The following FOXP3 variants were observed in gnomAD, a reference collection of about 807,000 sequenced individuals.
FOXP3 encodes forkhead box protein P3.
In FOXP3, 5 loss-of-function variants were observed where a neutral mutation model predicts 31.2. The observed-to-expected ratio is 0.16, with a 90% CI of 0.08 to 0.34. FOXP3 has a LOEUF of 0.34. Among genes scored for constraint, FOXP3 ranks in the 10% least tolerant of loss-of-function variants. FOXP3 has a pLI of 1.00. For synonymous variants in FOXP3, 141 were observed against 148.8 expected (o/e 0.95, Z 0.38); for missense variants, 251 against 363.0 (o/e 0.69, Z 2.51).
chrX:49,261,091 A>C (rs899615081), intron 1 of FOXP3, among the ~76,000 whole-genome samples: 1 of 112,648 alleles, frequency 8.9e-6, no homozygotes, highest in African/African-American at 3.2e-5. Context: ...GGGTCTTCAA[A>C]TAGTATAACA....
At position 49,253,215 on chromosome X, in the gene FOXP3, G is replaced by C; in HGVS notation, c.968-13C>G. On this transcript the variant is annotated splice_polypyrimidine_tract_variant and intron_variant, in intron 9 of 11. Transcript: ENST00000376207. ...TTGTGGAGGAACTCTGTCAGAGGGT[G>C]GGGATGAATCAAGCCCCATGCAGGA... 1 of 1,199,081 alleles carries C rather than the reference G, an allele frequency of 8.3e-7. No homozygotes were observed. The highest frequency in any genetic ancestry group is 1.1e-6 in the Non-Finnish European group (1 of 885,874).
At chrX:49,257,284 G>T in intron 4 of FOXP3, 143 bp downstream of exon 4, 1 of 819,918 alleles carries the variant, frequency 1.2e-6, no homozygotes. Context: ...ACGTTTTTTG[G>T]AGGGTGGAGT....
intron 7 of FOXP3, 85 bp downstream of exon 7, chrX:49,255,630 C>T (rs1276653039): frequency 9.0e-7 from 1 of 1,116,174 alleles, no homozygotes; most frequent in African/African-American, 1.8e-5. Flanking sequence ...GCCCTCGTCC[C>T]AGGTGAACTT....
chrX:49,259,367 G>A lies in FOXP3; in HGVS notation c.-22-840C>T, dbSNP rs967861959. 84 of 497,056 alleles carry A rather than the reference G, an allele frequency of 1.7e-4. No homozygotes were observed. The African/African-American group carries it at 1.8e-3, about 10-fold the overall frequency. 41.0% of individuals were successfully genotyped at this position (497,056 alleles called of 1,213,427 possible). A position where few individuals can be genotyped will look rare whatever the true frequency, so the allele number is the denominator to read the frequency against. On this transcript the variant is annotated intron_variant, in intron 1 of 11. Transcript: ENST00000376207. ...GGGGTCTGGATCTCAGGGCAAGGAG[G>A]CGAGTCCAGGAGTGTGATCATGCAC...
rs56355628 is a variant in FOXP3, at chrX:49,251,110, G to T, written c.*224C>A. 4 of 437,845 alleles carry T rather than the reference G, an allele frequency of 9.1e-6. No individual in the cohort carries two copies. Among genetic ancestry groups the T allele is most frequent in the East Asian group, 7.6e-5 (2 of 26,294 alleles). 36.1% of individuals were successfully genotyped at this position (437,845 alleles called of 1,213,427 possible). On this transcript the variant is annotated 3_prime_UTR_variant, in exon 12 of 12. Coordinates refer to ENST00000376207, the MANE Select transcript of FOXP3 (RefSeq NM_014009.4). ...TGTGTCTGGGGCGGAGGTGGGGGCT[G>T]GGGCCAGGACCGGGGCCCCTCTGAG...
chrX:49,262,848 TG>T (rs2066118234), intron 1 of FOXP3, among the ~76,000 whole-genome samples: 1 of 110,772 alleles, frequency 9.0e-6, no homozygotes, highest in African/African-American at 3.3e-5. Context: ...ATGGAAAAAA[TG>T]AAGCCATAAA....
intron 1 of FOXP3, among the ~76,000 whole-genome samples, chrX:49,259,523 C>T (rs781803558): frequency 1.6e-3 from 180 of 110,505 alleles, no homozygotes; most frequent in Non-Finnish European, 2.2e-3. Flanking sequence ...GCTCATGCTA[C>T]ACCCCCTGCC....
Position 49,261,655 on chromosome X carries a change from C to T in FOXP3, c.-23+3006G>A, listed in dbSNP as rs1193037187. On this transcript the variant is annotated intron_variant, in intron 1 of 11. Transcript: ENST00000376207. ...CTAGCCCAGCTCTTGTGAGGCTGGG[C>T]CCCACACTGTGATCGTGGATCGTCC... 8.0e-5 allele frequency among the ~76,000 whole-genome samples: 9 copies of T among 112,315 alleles called. No homozygotes were observed. The Admixed American group carries it at 8.4e-4, about 10-fold the overall frequency.
rs781892250 is a variant in FOXP3 at position 49,257,411 on chromosome X, C to T, written c.454+16G>A. On this transcript the variant is annotated intron_variant, in intron 4 of 11. Coordinates refer to ENST00000376207, the MANE Select transcript of FOXP3 (RefSeq NM_014009.4). ...GGGGGTTCTGTGAAGCCATGGGGTA[C>T]GGGCTGAGGTGTTACCAGGTGGGAG... The T allele has an allele frequency of 1.5e-5, 17 of 1,131,521 alleles. No homozygotes were observed. Among genetic ancestry groups the T allele is most frequent in the Middle Eastern group, 3.3e-4 (1 of 3,076 alleles). 93.3% of individuals were successfully genotyped at this position (1,131,521 alleles called of 1,213,427 possible).
rs143869281 is a variant in FOXP3, at chrX:49,253,921, G to T, written c.963C>A (p.Phe321Leu). 8.3e-7 allele frequency: 1 copy of T among 1,209,239 alleles called. No individual in the cohort carries two copies. The highest frequency in any genetic ancestry group is 1.1e-6 in the Non-Finnish European group (1 of 895,008). ...TAGTGCAAGGACCATTCTTACCTGG[G>T]AATGTGCTGTTTCCATGGCTACCCC... is the stretch of plus-strand genomic sequence containing the variant. ...HLWGSHGNSTFPEFLHNMDYF... is the reference protein window; with the variant it reads ...HLWGSHGNSTLPEFLHNMDYF... Residue 321 changes from phenylalanine to leucine, a missense_variant, in exon 9 of 12, where the codon TTC becomes TTA. This residue lies in a region of FOXP3 where 57 missense variants were observed against 60.9 expected (regional missense o/e 0.94). Coordinates refer to ENST00000376207, the MANE Select transcript of FOXP3 (RefSeq NM_014009.4).
At chrX:49,261,886 T>C (rs2066112480) in intron 1 of FOXP3, among the ~76,000 whole-genome samples, 1 of 112,060 alleles carries the variant, frequency 8.9e-6, no homozygotes. Flanking sequence ...CTGAGATCTC[T>C]GGTCTTCAAT....
chrX:49,253,248 G>C (rs1557115813), intron 9 of FOXP3, 46 bp from the exon 10 acceptor site: 1 of 1,078,375 alleles, frequency 9.3e-7, no homozygotes, highest in African/African-American at 1.8e-5. Context: ...GGACCTCCTA[G>C]CTAGCTCCCT....
At chrX:49,256,220 A>AGAG in intron 6 of FOXP3, among the ~76,000 whole-genome samples, 1 of 67,027 alleles carries the variant, frequency 1.5e-5, no homozygotes, top group Admixed American at 1.8e-4. Flanking sequence ...GAGAGAGAGA[A>AGAG]AGAGAGAGAG....
intron 8 of FOXP3, among the ~76,000 whole-genome samples, chrX:49,254,387 C>G (rs2066054639): frequency 1.8e-5 from 2 of 112,251 alleles, no homozygotes; most frequent in South Asian, 7.4e-4. Flanking sequence ...CCGCTTCAGC[C>G]TCCCAAAGTG....
At chrX:49,264,565 T>C in intron 1 of FOXP3, 96 bp downstream of exon 1, 6 of 448,487 alleles carry the variant, frequency 1.3e-5, no homozygotes, top group Non-Finnish European at 1.4e-5. Flanking sequence ...TACATCCCAC[T>C]GTACCAGAGG....
intron 1 of FOXP3, among the ~76,000 whole-genome samples, chrX:49,260,880 C>T (rs1044324096): frequency 2.7e-5 from 3 of 112,577 alleles, no homozygotes; most frequent in Admixed American, 9.3e-5. Context: ...GGTTTCGTTC[C>T]GAGAACTGGC....
rs781803685 is a variant in FOXP3 at position 49,256,919 on chromosome X, A to G, written c.542+6T>C. On this transcript the variant is annotated splice_donor_region_variant and intron_variant, in intron 5 of 11. Coordinates refer to ENST00000376207, the MANE Select transcript of FOXP3 (RefSeq NM_014009.4). ...GCGAGGATCCTTCCCAGCCCTGTCC[A>G]CTGACCTGTCCTTCCTGGGTGCACT... The G allele has an allele frequency of 8.3e-7, 1 of 1,211,027 alleles. No homozygotes were observed. The highest frequency in any genetic ancestry group is 2.2e-5 in the Admixed American group (1 of 46,132).
At chrX:49,258,577 A>G in intron 1 of FOXP3, 50 bp from the exon 2 acceptor site, 1 of 1,000,081 alleles carries the variant, frequency 1.0e-6, no homozygotes, top group Non-Finnish European at 1.3e-6. Flanking sequence ...GGGCGGTATG[A>G]GATACTCGAC....
rs782730117 is a variant in FOXP3 at position 49,258,497 on chromosome X, G to A, written c.9C>T (p.Asn3=). The change falls in exon 2 of 12, where the codon AAC becomes AAT. Residue 3 remains asparagine (N), a synonymous_variant. Transcript: ENST00000376207. MP[N]PRPGKPSAPS... Reference sequence around the variant, plus strand: ...GGGCCGAGGGCTTGCCAGGCCTGGGGTTGGGCATCGGGTCCTTGTCCAAGG... The same window carrying A: ...GGGCCGAGGGCTTGCCAGGCCTGGGATTGGGCATCGGGTCCTTGTCCAAGG... The A allele has an allele frequency of 8.5e-7, 1 of 1,171,555 alleles. No homozygotes were observed. The highest frequency in any genetic ancestry group is 1.1e-6 in the Non-Finnish European group (1 of 873,670).
Sources: allele counts gnomAD v4.1 joint callset (sites outside exome capture counted in the v4.1 genomes callset), GRCh38; gene constraint gnomAD v4.1.1; regional missense constraint gnomAD v4.1.1; transcripts MANE v1.5; gene names NCBI Gene and HGNC (gene_info 2026-07-23, HGNC 2026-07-21).